TAFA1: variants seen among roughly 807,000 people sequenced by gnomAD.
The protein encoded by TAFA1 is chemokine-like protein TAFA-1.
A neutral mutation model predicts 18.5 loss-of-function variants in TAFA1; 4 were observed. The observed-to-expected ratio is 0.22, with a 90% CI of 0.11 to 0.49. The LOEUF is 0.49. Ranked by LOEUF, TAFA1 falls within the 20% of genes least tolerant of loss-of-function variation. The pLI is 0.98. For synonymous variants in TAFA1, 56 were observed against 55.2 expected (o/e 1.01, Z -0.06); for missense variants, 147 against 169.0 (o/e 0.87, Z 0.72).
At chr3:68,148,169 T>C (rs2065765853) in intron 2 of TAFA1, among the ~76,000 whole-genome samples, 1 of 152,220 alleles carries the variant, frequency 6.6e-6, no homozygotes, top group Non-Finnish European at 1.5e-5. Flanking sequence ...TTTTCTCTCA[T>C]AGATTACTTG....
chr3:68,489,018 A>T (rs2106676321), intron 3 of TAFA1, among the ~76,000 whole-genome samples: 1 of 152,318 alleles, frequency 6.6e-6, no homozygotes, highest in Admixed American at 6.5e-5. Context: ...TAATCCTGAC[A>T]ACTTTCATAT....
intron 3 of TAFA1, among the ~76,000 whole-genome samples, chr3:68,475,632 G>A (rs2072078587): frequency 6.6e-6 from 1 of 152,178 alleles, no homozygotes; most frequent in African/African-American, 2.4e-5. Context: ...GTGTGCATGT[G>A]TCTTTATAGC....
intron 3 of TAFA1, among the ~76,000 whole-genome samples, chr3:68,478,839 C>T (rs912128040): frequency 6.6e-6 from 1 of 150,966 alleles, no homozygotes; most frequent in Non-Finnish European, 1.5e-5. Context: ...TTAAAGACTC[C>T]AAAAATTAAA....
intron 3 of TAFA1, among the ~76,000 whole-genome samples, chr3:68,475,983 C>G (rs563013227): frequency 3.1e-4 from 47 of 152,260 alleles, no homozygotes; most frequent in African/African-American, 1.1e-3. Flanking sequence ...TGTTCATGTC[C>G]TTCGCCCACT....
chr3:68,189,432 T>G (rs932423625), intron 2 of TAFA1, among the ~76,000 whole-genome samples: 20 of 151,900 alleles, frequency 1.3e-4, no homozygotes, highest in Admixed American at 7.9e-4. Flanking sequence ...TGCTTAAATG[T>G]CAGCTCTGGG....
chr3:68,214,130 G>A (rs1277011227), intron 2 of TAFA1, among the ~76,000 whole-genome samples: 2 of 152,028 alleles, frequency 1.3e-5, no homozygotes, highest in Non-Finnish European at 2.9e-5. Context: ...CTTGTTAGAA[G>A]GAATGGATCA....
chr3:68,407,324 T>C (rs1055300299), intron 2 of TAFA1, among the ~76,000 whole-genome samples: 11 of 152,060 alleles, frequency 7.2e-5, no homozygotes, highest in Non-Finnish European at 1.6e-4. Flanking sequence ...AGTATAAGAA[T>C]TATTGCAATC....
chr3:68,390,478 A>G (rs2070211155), intron 2 of TAFA1, among the ~76,000 whole-genome samples: 1 of 152,224 alleles, frequency 6.6e-6, no homozygotes, highest in Admixed American at 6.5e-5. Flanking sequence ...AGAGCAGCAG[A>G]TCTCTCAGCA....
At chr3:68,364,588 C>A (rs2069531107) in intron 2 of TAFA1, among the ~76,000 whole-genome samples, 2 of 152,246 alleles carry the variant, frequency 1.3e-5, no homozygotes, top group African/African-American at 4.8e-5. Flanking sequence ...TTACAGACAT[C>A]TAAGTTTAAA....
intron 3 of TAFA1, among the ~76,000 whole-genome samples, chr3:68,534,444 C>CT (rs1165492396): frequency 3.9e-5 from 6 of 152,064 alleles, no homozygotes; most frequent in African/African-American, 1.2e-4. Context: ...ATTTGTATGC[C>CT]TTTTTTTCCT....
chr3:68,022,316 C>T (rs1464879235), intron 2 of TAFA1, among the ~76,000 whole-genome samples: 4 of 152,130 alleles, frequency 2.6e-5, no homozygotes, highest in Non-Finnish European at 5.9e-5. Flanking sequence ...CATAATAGAA[C>T]ATTTGGAGGC....
intron 2 of TAFA1, among the ~76,000 whole-genome samples, chr3:68,343,835 G>A (rs2069123458): frequency 6.6e-6 from 1 of 152,148 alleles, no homozygotes; most frequent in Admixed American, 6.5e-5. Flanking sequence ...TTTAAGAAGT[G>A]TGCAGCAATA....
At chr3:68,501,716 T>G (rs1407292996) in intron 3 of TAFA1, among the ~76,000 whole-genome samples, 2 of 152,128 alleles carry the variant, frequency 1.3e-5, no homozygotes, top group African/African-American at 2.4e-5. Context: ...ATAATTAGGC[T>G]ATTATTTGAC....
chr3:68,432,549 A>T (rs1185755718), intron 3 of TAFA1, among the ~76,000 whole-genome samples: 1 of 152,004 alleles, frequency 6.6e-6, no homozygotes, highest in African/African-American at 2.4e-5. Context: ...ATTACCTCCA[A>T]CCATAAAACA....
At chr3:68,440,436 GA>G (rs1410733805) in intron 3 of TAFA1, among the ~76,000 whole-genome samples, 1 of 152,176 alleles carries the variant, frequency 6.6e-6, no homozygotes, top group Admixed American at 6.6e-5. Flanking sequence ...ACAAAATGAA[GA>G]TTTTTTATAG....
chr3:68,034,131 C>G (rs984651685), intron 2 of TAFA1, among the ~76,000 whole-genome samples: 2 of 152,064 alleles, frequency 1.3e-5, no homozygotes, highest in African/African-American at 2.4e-5. Context: ...TGTCCATGAC[C>G]TAAATTATAG....
chr3:67,992,874 A>T, the TAFA1 span, among the ~76,000 whole-genome samples: 364 of 152,234 alleles, frequency 2.4e-3, 1 homozygote, highest in African/African-American at 8.3e-3. Flanking sequence ...AAGGAAGTAA[A>T]TCCCCTCCTC....
intron 2 of TAFA1, among the ~76,000 whole-genome samples, chr3:68,241,571 A>AG (rs1228640986): frequency 1.3e-5 from 2 of 152,304 alleles, no homozygotes; most frequent in East Asian, 1.9e-4. Flanking sequence ...TGCTTTTCCT[A>AG]GGCTGTATGA....
intron 2 of TAFA1, among the ~76,000 whole-genome samples, chr3:68,234,097 A>G (rs1248307157): frequency 6.6e-6 from 1 of 152,214 alleles, no homozygotes; most frequent in Non-Finnish European, 1.5e-5. Context: ...ATGGAAGAAT[A>G]CATACAGATT....
Sources: gnomAD v4.1 joint callset for allele counts (sites outside exome capture counted in the v4.1 genomes callset) on GRCh38, gnomAD v4.1.1 for gene constraint, MANE v1.5 for transcripts, NCBI Gene and HGNC (gene_info 2026-07-23, HGNC 2026-07-21) for gene names.